The following BMP7 variants were observed in gnomAD, a reference collection of about 807,000 sequenced individuals.
BMP7 encodes osteogenic protein 1.
A neutral mutation model predicts 41.2 loss-of-function variants in BMP7; 12 were observed. The observed-to-expected ratio is 0.29, with a 90% CI of 0.19 to 0.47. BMP7 has a LOEUF of 0.47. Ranked by LOEUF, BMP7 falls within the 20% of genes least tolerant of loss-of-function variation. The pLI is 0.99. For missense variants in BMP7, 467 were observed against 606.0 expected (o/e 0.77, Z 2.41); for synonymous variants, 248 against 250.0 (o/e 0.99, Z 0.07).
intron 1 of BMP7, among the ~76,000 whole-genome samples, chr20:57,230,837 C>T (rs1019821447): frequency 1.8e-4 from 28 of 151,730 alleles, no homozygotes; most frequent in Non-Finnish European, 3.2e-4. Context: ...TCACCATGCT[C>T]GGCTAATTTT....
At position 57,183,801 on chromosome 20, in the gene BMP7, G is replaced by A; in HGVS notation, c.879C>T (p.Ser293=). The change falls in exon 4 of 7, where the codon TCC becomes TCT. Residue 293 remains serine, a synonymous_variant. Transcript: ENST00000395863. ...ATEVHFRSIR[S]TGSKQRSQNR... is the part of the protein sequence containing the mutation. The stretch of plus-strand genomic sequence containing the variant: ...TCTGGCTGCGCTGTTTGCTCCCCGT[G>A]GACCGGATGCTGCGGAAGTGGACCT... 1 of 1,614,196 alleles carries A rather than the reference G, an allele frequency of 6.2e-7. No individual in the cohort carries two copies. The highest frequency in any genetic ancestry group is 8.5e-7 in the Non-Finnish European group (1 of 1,180,054).
chr20:57,241,571 A>C (rs1283504243), intron 1 of BMP7, among the ~76,000 whole-genome samples: 1 of 152,192 alleles, frequency 6.6e-6, no homozygotes, highest in Non-Finnish European at 1.5e-5. Context: ...AGCTGCCAGC[A>C]ATACCACCTG....
At position 57,259,730 on chromosome 20, in the gene BMP7, G is replaced by A. The variant is rs149328132; in HGVS notation, c.418+5975C>T. On this transcript the variant is annotated intron_variant, in intron 1 of 6. Transcript: ENST00000395863. The surrounding 1 kb of genome is among the most constrained non-coding windows in gnomAD (Gnocchi z 4.7). ...GCTTGCCTGAGTTTCGCATAAGTAA[G>A]TGTCAAACTTCATGCACTCTAATAT... Among the ~76,000 whole-genome samples the A allele has an allele frequency of 1.3e-5, 2 of 152,296 alleles. No individual in the cohort carries two copies. The highest frequency in any genetic ancestry group is 1.9e-4 in the East Asian group (1 of 5,186).
intron 1 of BMP7, among the ~76,000 whole-genome samples, chr20:57,231,950 G>C (rs35461783): frequency 0.25 from 37,653 of 152,196 alleles, 5,498 homozygotes; most frequent in South Asian, 0.37. Context: ...GTCCTGCACT[G>C]AGCAAGCACT....
At chr20:57,239,602 C>T (rs2066061444) in intron 1 of BMP7, among the ~76,000 whole-genome samples, 1 of 152,264 alleles carries the variant, frequency 6.6e-6, no homozygotes, top group Non-Finnish European at 1.5e-5. Context: ...CCCAATTCCA[C>T]ATTTCCCTTC....
In BMP7 at chr20:57,174,215, C is replaced by A. The variant is rs909721806; in HGVS notation, c.1035+716G>T. 3.3e-5 allele frequency among the ~76,000 whole-genome samples: 5 copies of A among 152,180 alleles called. No homozygotes were observed. The highest frequency in any genetic ancestry group is 7.3e-5 in the Non-Finnish European group (5 of 68,034). On this transcript the variant is annotated intron_variant, in intron 5 of 6. Transcript: ENST00000395863. The surrounding 1 kb of genome is among the most constrained non-coding windows in gnomAD (Gnocchi z 4.3). Reference sequence around the variant, plus strand: ...AGAATACCACCAGTTGCCCTGATGACCTCATGACAATACCCTCTCCAGGGA... The same window carrying A: ...AGAATACCACCAGTTGCCCTGATGAACTCATGACAATACCCTCTCCAGGGA...
chr20:57,192,999 G>A (rs1178664656), intron 3 of BMP7, among the ~76,000 whole-genome samples: 1 of 152,194 alleles, frequency 6.6e-6, no homozygotes, highest in East Asian at 1.9e-4. Flanking sequence ...AAAGGGGCCC[G>A]GCCTACCTGA....
intron 3 of BMP7, among the ~76,000 whole-genome samples, chr20:57,195,741 A>C (rs1984477111): frequency 6.6e-6 from 1 of 152,200 alleles, no homozygotes; most frequent in Non-Finnish European, 1.5e-5. Flanking sequence ...CAATCCTTTA[A>C]ATGCTCTGCA....
At chr20:57,256,188 C>G (rs1358634974) in intron 1 of BMP7, among the ~76,000 whole-genome samples, 2 of 152,176 alleles carry the variant, frequency 1.3e-5, no homozygotes, top group African/African-American at 4.8e-5. Context: ...CACTGGGAGT[C>G]AGGAAAAGAT....
chr20:57,218,897 C>T (rs1482673798), intron 2 of BMP7, among the ~76,000 whole-genome samples: 2 of 136,048 alleles, frequency 1.5e-5, no homozygotes, highest in Admixed American at 1.5e-4. Context: ...TTGGTGGTAG[C>T]TGGTGTTTGG....
In BMP7 at chr20:57,224,066, C is replaced by T. The variant is rs982403507; in HGVS notation, c.611+4163G>A. On this transcript the variant is annotated intron_variant, in intron 2 of 6. Transcript: ENST00000395863. This position sits in a 1 kb window ranked among gnomAD's most constrained non-coding sequence, Gnocchi z 4.8. ...TCTCAGAAAGGCAGAAACTCAGGGCCCCCATCCCAGGGCTAGTCGAGGGCA... is the reference window on the plus strand; with the variant it reads ...TCTCAGAAAGGCAGAAACTCAGGGCTCCCATCCCAGGGCTAGTCGAGGGCA... Among the ~76,000 whole-genome samples the T allele has an allele frequency of 6.6e-6, 1 of 152,182 alleles. No homozygotes were observed. The highest frequency in any genetic ancestry group is 1.5e-5 in the Non-Finnish European group (1 of 68,030).
At chr20:57,175,879 A>G (rs1180540856) in intron 4 of BMP7, among the ~76,000 whole-genome samples, 1 of 152,196 alleles carries the variant, frequency 6.6e-6, no homozygotes, top group East Asian at 1.9e-4. Flanking sequence ...CCAAACACCA[A>G]GCTCACTCCC....
intron 3 of BMP7, among the ~76,000 whole-genome samples, chr20:57,184,272 C>G (rs1051179547): frequency 6.6e-6 from 1 of 152,128 alleles, no homozygotes; most frequent in African/African-American, 2.4e-5. Context: ...TGGTATCTGC[C>G]TAATTTCAGG....
At position 57,224,337 on chromosome 20, in the gene BMP7, C is replaced by T. The variant is rs549332435; in HGVS notation, c.611+3892G>A. Among the ~76,000 whole-genome samples the T allele has an allele frequency of 2.0e-5, 3 of 152,316 alleles. No individual in the cohort carries two copies. The highest frequency in any genetic ancestry group is 4.1e-4 in the South Asian group (2 of 4,834). On this transcript the variant is annotated intron_variant, in intron 2 of 6. Transcript: ENST00000395863. This position sits in a 1 kb window ranked among gnomAD's most constrained non-coding sequence, Gnocchi z 4.8. ...AACATCATCTCGACCTTGGTGGCGG[C>T]CGACTCCCTTGGAGCAGATTCTGCT...
Position 57,266,176 on chromosome 20 carries a change from A to G in BMP7, c.-54T>C. 1 of 1,422,212 alleles carries G rather than the reference A, an allele frequency of 7.0e-7. No individual in the cohort carries two copies. Among genetic ancestry groups the G allele is most frequent in the African/African-American group, 1.5e-5 (1 of 66,548 alleles). 88.1% of individuals were successfully genotyped at this position (1,422,212 alleles called of 1,614,324 possible). The stretch of plus-strand genomic sequence containing the variant: ...CCGGGCTCCGGGCCCGCACCGCCCC[A>G]GGTGGCAGAGGGGGCAGGCGGCCGT... On this transcript the variant is annotated 5_prime_UTR_variant, in exon 1 of 7. Coordinates refer to ENST00000395863, the MANE Select transcript of BMP7 (RefSeq NM_001719.3).
intron 3 of BMP7, among the ~76,000 whole-genome samples, chr20:57,185,131 C>T (rs373457538): frequency 1.7e-4 from 26 of 152,266 alleles, no homozygotes; most frequent in South Asian, 4.1e-4. Flanking sequence ...GAATGGTCCA[C>T]GTGGGAGGTG....
intron 1 of BMP7, among the ~76,000 whole-genome samples, chr20:57,245,411 A>G (rs1010643356): frequency 2.0e-5 from 3 of 152,088 alleles, no homozygotes; most frequent in Non-Finnish European, 4.4e-5. Context: ...CAGTGATGTA[A>G]TTACAGCTCA....
rs2066178178 is a variant in BMP7, at chr20:57,266,248, G to A, written c.-126C>T. On this transcript the variant is annotated 5_prime_UTR_variant, in exon 1 of 7. Coordinates refer to ENST00000395863, the MANE Select transcript of BMP7 (RefSeq NM_001719.3). The stretch of plus-strand genomic sequence containing the variant: ...TGCAGACGGGCCCCGCTGCGCCCGC[G>A]CCAGACATGGCCCCTCCCCGGCCGG... The A allele has an allele frequency of 2.1e-6, 2 of 958,184 alleles. No individual in the cohort carries two copies. The highest frequency in any genetic ancestry group is 4.4e-5 in the Admixed American group (1 of 22,896). 59.4% of individuals were successfully genotyped at this position (958,184 alleles called of 1,614,324 possible).
Position 57,216,140 on chromosome 20 carries a change from G to T in BMP7, c.611+12089C>A, listed in dbSNP as rs184829294. On this transcript the variant is annotated intron_variant, in intron 2 of 6. Coordinates refer to ENST00000395863, the MANE Select transcript of BMP7 (RefSeq NM_001719.3). ...CACGGTAGCATCCTGAAGCCGGGGG[G>T]GTCCAGGAAGGGGGCAGGCTGAGGA... is the stretch of plus-strand genomic sequence containing the variant. 1.0e-3 allele frequency among the ~76,000 whole-genome samples: 158 copies of T among 152,210 alleles called. 1 individual carries two copies. The highest frequency in any genetic ancestry group is 1.7e-3 in the Non-Finnish European group (117 of 68,000).
Sources: gnomAD v4.1 joint callset for allele counts (sites outside exome capture counted in the v4.1 genomes callset) on GRCh38, gnomAD v4.1.1 for gene constraint, Gnocchi (gnomAD v3.1) non-coding constraint, MANE v1.5 for transcripts, NCBI Gene and HGNC (gene_info 2026-07-23, HGNC 2026-07-21) for gene names.